Variants in ARHGEF18 observed in about 807,000 individuals in gnomAD.
ARHGEF18 encodes Rho/Rac guanine nucleotide exchange factor 18, also known as rho guanine nucleotide exchange factor 18.
A neutral mutation model predicts 155.7 loss-of-function variants in ARHGEF18; 93 were observed. That is an observed-to-expected ratio of 0.60 (90% CI 0.50 to 0.71). The LOEUF (loss-of-function observed/expected upper bound fraction) is 0.71, where lower values mean the gene tolerates loss of function less well. Among genes scored for constraint, ARHGEF18 ranks in the 30% least tolerant of loss-of-function variants. The pLI, the probability that ARHGEF18 is intolerant of heterozygous loss-of-function variation, is 0.00. For synonymous variants in ARHGEF18, 742 were observed against 753.1 expected, an observed-to-expected ratio of 0.99 and a Z score of 0.24; for missense variants, 1,593 against 1,816.1, an observed-to-expected ratio of 0.88 and a Z score of 2.23.
rs1974597642 is a variant in ARHGEF18, at chr19:7,440,868, T to A, written c.1106+386T>A. On this transcript the variant is annotated intron_variant, in intron 11 of 28. Coordinates refer to ENST00000668164, the MANE Select transcript of ARHGEF18 (RefSeq NM_001367823.1). This position sits in a 1 kb window ranked among gnomAD's most constrained non-coding sequence, Gnocchi z 5.4. The stretch of plus-strand genomic sequence containing the variant: ...TCAAAGTGGTTCCCTTGATAATGCC[T>A]GCAGCGGTGTCCGGGTAGAAAGTGA... Among the ~76,000 whole-genome samples, 1 of 152,170 alleles carries A rather than the reference T, an allele frequency of 6.6e-6. No individual in the cohort carries two copies. The highest frequency in any genetic ancestry group is 1.5e-5 in the Non-Finnish European group (1 of 68,022).
rs1279086371 is a variant in ARHGEF18, at chr19:7,385,870, TCC to T, written c.967+2672_967+2673del. 9.7e-3 allele frequency among the ~76,000 whole-genome samples: 286 copies of T among 29,546 alleles called. 16 individuals are homozygous for T. The highest frequency in any genetic ancestry group is 0.037 in the African/African-American group (195 of 5,288). The allele number at this position is 29,546 out of a possible 152,430, so 19.4% of individuals were successfully genotyped here. A position where few individuals can be genotyped will look rare whatever the true frequency, so the allele number is the denominator to read the frequency against. On this transcript the variant is annotated intron_variant, in intron 10 of 28. Transcript: ENST00000668164. Reference sequence around the variant, plus strand: ...CTCTCTCTCTCTCTCTCTCTCTCTCTCCCCCCTCCCTCTCTCCCTCCCTCCCT... The same window carrying T: ...CTCTCTCTCTCTCTCTCTCTCTCTCTCCCCTCCCTCTCTCCCTCCCTCCCT...
intron 10 of ARHGEF18, among the ~76,000 whole-genome samples, chr19:7,414,318 A>G (rs1972869949): frequency 6.6e-6 from 1 of 152,166 alleles, no homozygotes; most frequent in Non-Finnish European, 1.5e-5. Flanking sequence ...ATAGAACCTC[A>G]TGACAGCTTG....
Position 7,466,804 on chromosome 19 carries a change from C to CAAAAAAA in ARHGEF18, c.2905-98_2905-92dup, listed in dbSNP as rs965666634. Reference sequence around the variant, plus strand: ...GGGCAACAAGAGCAGAATTCCGTCTCAAAAAAAAAAAAAAAAAAAAAAGTT... The same window carrying CAAAAAAA: ...GGGCAACAAGAGCAGAATTCCGTCTCAAAAAAAAAAAAAAAAAAAAAAAAAAAAAGTT... On this transcript the variant is annotated intron_variant, in intron 23 of 28. Coordinates refer to ENST00000668164, the MANE Select transcript of ARHGEF18 (RefSeq NM_001367823.1). The CAAAAAAA allele has an allele frequency of 1.6e-3, 806 of 495,694 alleles. 22 individuals are homozygous for CAAAAAAA. In the African/African-American group the frequency reaches 0.026, roughly 16 times the overall value. 30.7% of individuals were successfully genotyped at this position (495,694 alleles called of 1,614,324 possible). A position where few individuals can be genotyped will look rare whatever the true frequency, so the allele number is the denominator to read the frequency against.
chr19:7,384,361 A>G (rs1970887742), intron 10 of ARHGEF18, among the ~76,000 whole-genome samples: 2 of 152,176 alleles, frequency 1.3e-5, no homozygotes, highest in African/African-American at 4.8e-5. Flanking sequence ...ACAGGAATCA[A>G]TGGGTGAATG....
intron 10 of ARHGEF18, among the ~76,000 whole-genome samples, chr19:7,420,638 C>T (rs1408960471): frequency 6.6e-6 from 1 of 152,220 alleles, no homozygotes; most frequent in Non-Finnish European, 1.5e-5. Flanking sequence ...CTCTTTTGCA[C>T]CCATGGGTTC....
intron 10 of ARHGEF18, among the ~76,000 whole-genome samples, chr19:7,438,804 C>T (rs981807954): frequency 2.6e-5 from 4 of 152,146 alleles, no homozygotes; most frequent in African/African-American, 9.7e-5. Context: ...AGCCAAGTAG[C>T]CCATCTCAAC....
At chr19:7,460,435 G>A (rs1438021146) in intron 20 of ARHGEF18, among the ~76,000 whole-genome samples, 1 of 152,140 alleles carries the variant, frequency 6.6e-6, no homozygotes, top group Non-Finnish European at 1.5e-5. Flanking sequence ...ACCCTCCCAA[G>A]CGTGGGGTTC....
At chr19:7,422,716 CTTTTTTTTTTTTTTT>C (rs67634093) in intron 10 of ARHGEF18, among the ~76,000 whole-genome samples, 2 of 111,228 alleles carry the variant, frequency 1.8e-5, no homozygotes, top group African/African-American at 6.8e-5. Context: ...TCTAACTTTT[CTTTTTTTTTTTTTTT>C]TTTTTGAGAT....
intron 10 of ARHGEF18, among the ~76,000 whole-genome samples, chr19:7,428,698 CTG>C (rs995307356): frequency 7.9e-5 from 12 of 152,164 alleles, no homozygotes; most frequent in Admixed American, 4.6e-4. Context: ...CAGAGTGAAA[CTG>C]TGTCGAAAAA....
chr19:7,367,898 T>TTCA (rs1969998751), intron 2 of ARHGEF18, among the ~76,000 whole-genome samples: 1 of 59,726 alleles, frequency 1.7e-5, no homozygotes, highest in Admixed American at 1.9e-4. Context: ...TATATATTTT[T>TTCA]TATATATATA....
chr19:7,455,977 G>T lies in ARHGEF18; in HGVS notation c.2105-350G>T, dbSNP rs147914474. 3.3e-5 allele frequency among the ~76,000 whole-genome samples: 5 copies of T among 152,352 alleles called. No individual in the cohort carries two copies. The East Asian group carries it at 9.6e-4, about 29-fold the overall frequency. On this transcript the variant is annotated intron_variant, in intron 17 of 28. Coordinates refer to ENST00000668164, the MANE Select transcript of ARHGEF18 (RefSeq NM_001367823.1). ...AGCACGTGGGAATTCAAGATGAGAT[G>T]TGGGTGGGGACGCAGCCAAACCGTA...
In ARHGEF18 at chr19:7,459,974, C is replaced by G. The variant is rs776708960; in HGVS notation, c.2432C>G (p.Thr811Arg). 6.3e-7 allele frequency: 1 copy of G among 1,583,280 alleles called. No homozygotes were observed. Among genetic ancestry groups the G allele is most frequent in the Admixed American group, 1.8e-5 (1 of 55,900 alleles). The change falls in exon 20 of 29, where the codon ACG (threonine) becomes AGG (arginine). Residue 811 changes from threonine (T) to arginine (R), a missense_variant. By Grantham distance (71) the Thr-to-Arg change is moderately conservative (BLOSUM62 -1). Transcript: ENST00000668164. ...AGGAAGGTGGTCGAGGCCCGCGCCA[C>G]GAGACTCCGGGACTTTCAAGGTGAG... Reference protein sequence around the residue: ...EERKVVEARATRLRDFQERLS... With the variant: ...EERKVVEARARRLRDFQERLS...
chr19:7,368,838 G>A (rs895601384), intron 2 of ARHGEF18, among the ~76,000 whole-genome samples: 1 of 152,178 alleles, frequency 6.6e-6, no homozygotes, highest in African/African-American at 2.4e-5. Flanking sequence ...AGTCACATGA[G>A]GGCCAGCCAG....
In ARHGEF18 at chr19:7,362,827, G is replaced by A; in HGVS notation, c.-64G>A. The A allele has an allele frequency of 8.1e-7, 1 of 1,234,278 alleles. No homozygotes were observed. The highest frequency in any genetic ancestry group is 4.1e-5 in the South Asian group (1 of 24,410). 76.5% of individuals were successfully genotyped at this position (1,234,278 alleles called of 1,614,324 possible). ...TCCAGCCTTTTGACTCTGGAGCTGTGGCTTCAGCCACCAAGAGCAGCAGTG... is the reference window on the plus strand; with the variant it reads ...TCCAGCCTTTTGACTCTGGAGCTGTAGCTTCAGCCACCAAGAGCAGCAGTG... On this transcript the variant is annotated 5_prime_UTR_variant, in exon 2 of 29. Coordinates refer to ENST00000668164, the MANE Select transcript of ARHGEF18 (RefSeq NM_001367823.1).
intron 10 of ARHGEF18, among the ~76,000 whole-genome samples, chr19:7,404,650 G>A (rs1042809583): frequency 6.6e-6 from 1 of 151,736 alleles, no homozygotes; most frequent in Non-Finnish European, 1.5e-5. Flanking sequence ...AGTAGAGATG[G>A]GGTTTTGCCA....
In ARHGEF18 at chr19:7,451,215, C is replaced by T. The variant is rs746255341; in HGVS notation, c.1804C>T (p.Arg602Cys). Reference sequence around the variant, plus strand: ...GGAGTGCATTCTCCTGGTTACACAACGCATAACCAAATACCCAGTGCTGGT... The same window carrying T: ...GGAGTGCATTCTCCTGGTTACACAATGCATAACCAAATACCCAGTGCTGGT... ...VQECILLVTQRITKYPVLVER... is the reference protein window; with the variant it reads ...VQECILLVTQCITKYPVLVER... Residue 602 changes from arginine to cysteine, a missense_variant, in exon 16 of 29, where the codon CGC becomes TGC. Coordinates refer to ENST00000668164, the MANE Select transcript of ARHGEF18 (RefSeq NM_001367823.1). The T allele has an allele frequency of 6.9e-6, 11 of 1,601,214 alleles. No homozygotes were observed. The highest frequency in any genetic ancestry group is 3.4e-5 in the Admixed American group (2 of 58,506).
chr19:7,381,863 C>CA (rs1316870434), intron 8 of ARHGEF18, among the ~76,000 whole-genome samples: 2 of 152,096 alleles, frequency 1.3e-5, no homozygotes, highest in Admixed American at 1.3e-4. Context: ...CTCACTCACT[C>CA]ATTCATTCAA....
intron 10 of ARHGEF18, chr19:7,439,573 T>G: frequency 3.2e-6 from 2 of 619,028 alleles, no homozygotes; most frequent in Non-Finnish European, 2.0e-6. Context: ...AGACAGCGGT[T>G]TGCAGCCCCT....
intron 1 of ARHGEF18, among the ~76,000 whole-genome samples, chr19:7,361,239 C>A (rs1440075580): frequency 1.3e-5 from 2 of 152,102 alleles, no homozygotes; most frequent in Non-Finnish European, 2.9e-5. Flanking sequence ...AGTTCCGGAC[C>A]AGCCTGGCCA....
Sources: gnomAD v4.1 joint callset for allele counts (sites outside exome capture counted in the v4.1 genomes callset) on GRCh38, gnomAD v4.1.1 for gene constraint, Gnocchi (gnomAD v3.1) non-coding constraint, MANE v1.5 for transcripts, NCBI Gene and HGNC (gene_info 2026-07-23, HGNC 2026-07-21) for gene names.